MACF1: variants seen among roughly 807,000 people sequenced by gnomAD.
MACF1 encodes the protein microtubule actin crosslinking factor 1.
A neutral mutation model predicts 854.8 loss-of-function variants in MACF1; 193 were observed. That is an observed-to-expected ratio of 0.23 (90% CI 0.20 to 0.25). The LOEUF is 0.25. MACF1 is among the 10% of genes least tolerant of loss of function. The probability of loss-of-function intolerance (pLI) is 1.00; values close to 1 mark genes in which losing one functional copy is unlikely to be tolerated. For missense variants in MACF1, 7,722 were observed against 8,929.1 expected (o/e 0.86, Z 5.45); for synonymous variants, 3,185 against 3,226.7 (o/e 0.99, Z 0.44).
At chr1:39,426,522 G>A (rs1244764129) in intron 61 of MACF1, among the ~76,000 whole-genome samples, 1 of 152,154 alleles carries the variant, frequency 6.6e-6, no homozygotes, top group Non-Finnish European at 1.5e-5. Flanking sequence ...TTCTGTGGTT[G>A]TTTTCTTGTC....
rs750763021 is a variant in MACF1, at chr1:39,453,858, C to G, written c.20886+8C>G. On this transcript the variant is annotated splice_region_variant and intron_variant, in intron 88 of 100. Coordinates refer to ENST00000564288, the MANE Select transcript of MACF1 (RefSeq NM_001394062.1). The stretch of plus-strand genomic sequence containing the variant: ...CGAGCTCGCTTCGAGGAGGTGAGTC[C>G]CTGGTTCAGAGGAGGACTGCACACG... 6.2e-7 allele frequency: 1 copy of G among 1,614,074 alleles called. No individual in the cohort carries two copies.
intron 6 of MACF1, 99 bp from the exon 7 acceptor site, chr1:39,282,109 G>A: frequency 7.9e-7 from 1 of 1,263,040 alleles, no homozygotes; most frequent in Non-Finnish European, 1.1e-6. Flanking sequence ...TCCAGCCTTG[G>A]ACCTTCGTTT....
chr1:39,383,652 C>T (rs1436958153), intron 56 of MACF1, among the ~76,000 whole-genome samples: 1 of 152,128 alleles, frequency 6.6e-6, no homozygotes, highest in African/African-American at 2.4e-5. Context: ...CCAAGGCAGG[C>T]AGATCACGAG....
intron 2 of MACF1, among the ~76,000 whole-genome samples, chr1:39,121,438 T>C (rs2148158131): frequency 6.6e-6 from 1 of 152,224 alleles, no homozygotes; most frequent in Non-Finnish European, 1.5e-5. Context: ...TATTTTGTTT[T>C]ATTTTATTTA....
intron 64 of MACF1, 103 bp from the exon 65 acceptor site, chr1:39,429,724 G>A (rs935350521): frequency 9.0e-7 from 1 of 1,105,978 alleles, no homozygotes; most frequent in Non-Finnish European, 1.3e-6. Flanking sequence ...CAGAGAGAGA[G>A]AGAGCGTCTA....
intron 26 of MACF1, among the ~76,000 whole-genome samples, chr1:39,314,599 A>ACACACACG (rs1217082477): frequency 6.6e-6 from 1 of 151,446 alleles, no homozygotes; most frequent in Non-Finnish European, 1.5e-5. Flanking sequence ...ACACACACAC[A>ACACACACG]CACACACACA....
At chr1:39,341,394 TTTATAA>T (rs1646932391) in intron 40 of MACF1, among the ~76,000 whole-genome samples, 2 of 151,396 alleles carry the variant, frequency 1.3e-5, no homozygotes, top group African/African-American at 4.9e-5. Context: ...TATGTTTAGG[TTTATAA>T]TTATCATATC....
At position 39,387,483 on chromosome 1, in the gene MACF1, A is replaced by G. The variant is rs769414070; in HGVS notation, c.14641A>G (p.Lys4881Glu). The change falls in exon 58 of 101, where the codon AAA becomes GAA. Residue 4881 changes from lysine (K) to glutamate (E), a missense_variant. Coordinates refer to ENST00000564288, the MANE Select transcript of MACF1 (RefSeq NM_001394062.1). ...TCTACAAAACCAGTTGGTTGAGCTC[A>G]AAAACCATTGGGAAGAGCTTAGTAA... ...RTLQNQLVEL[K>E]NHWEELSKKT... 1 of 1,614,018 alleles carries G rather than the reference A, an allele frequency of 6.2e-7. No homozygotes were observed. The highest frequency in any genetic ancestry group is 1.1e-5 in the South Asian group (1 of 91,084).
chr1:39,253,099 C>A (rs117914843), intron 4 of MACF1, among the ~76,000 whole-genome samples: 6 of 152,080 alleles, frequency 3.9e-5, no homozygotes, highest in Non-Finnish European at 5.9e-5. Flanking sequence ...ATATAAGCAA[C>A]GTTAGAAAGT....
chr1:39,176,905 G>A (rs1644037030), intron 2 of MACF1, among the ~76,000 whole-genome samples: 1 of 152,166 alleles, frequency 6.6e-6, no homozygotes, highest in Non-Finnish European at 1.5e-5. Flanking sequence ...TCTTTAGTAA[G>A]ATCCTTGAAT....
intron 93 of MACF1, among the ~76,000 whole-genome samples, chr1:39,463,357 G>T (rs1045778681): frequency 6.6e-6 from 1 of 152,126 alleles, no homozygotes; most frequent in Non-Finnish European, 1.5e-5. Context: ...GGGCCTGGTG[G>T]TGCGTGCCTA....
chr1:39,387,226 C>G lies in MACF1; in HGVS notation c.14384C>G (p.Thr4795Ser), dbSNP rs767828029. The G allele has an allele frequency of 5.0e-6, 8 of 1,614,184 alleles. No homozygotes were observed. The highest frequency in any genetic ancestry group is 6.8e-6 in the Non-Finnish European group (8 of 1,180,030). The stretch of plus-strand genomic sequence containing the variant: ...AGACTCCAGGCAGCTCTTGCCAGCA[C>G]CCAGCAGTTCCAGCAAATGTTTGAT... ...INRLQAALAS[T>S]QQFQQMFDEL... is the part of the protein sequence containing the mutation. Residue 4795 changes from threonine to serine, a missense_variant, in exon 58 of 101, where the codon ACC (threonine) becomes AGC (serine). By Grantham distance (58) the Thr-to-Ser change is moderately conservative (BLOSUM62 1). Coordinates refer to ENST00000564288, the MANE Select transcript of MACF1 (RefSeq NM_001394062.1).
rs1363535959 is a variant in MACF1 at position 39,336,138 on chromosome 1, C to G, written c.9550C>G (p.Leu3184Val). The G allele has an allele frequency of 1.2e-6, 2 of 1,614,128 alleles. No individual in the cohort carries two copies. Among genetic ancestry groups the G allele is most frequent in the Non-Finnish European group, 1.7e-6 (2 of 1,180,028 alleles). ...AGTATCTTTTGACCCAGCAAGAGGT[C>G]TTAAATTGGAAGAAATCACAGTTTC... ...QEVSFDPARGLKLEEITVSRP... is the reference protein window; with the variant it reads ...QEVSFDPARGVKLEEITVSRP... Residue 3184 changes from leucine (L) to valine (V), a missense_variant, in exon 37 of 101, where the codon CTT becomes GTT. Coordinates refer to ENST00000564288, the MANE Select transcript of MACF1 (RefSeq NM_001394062.1).
In MACF1 at chr1:39,485,811, C is replaced by T. The variant is rs545883235; in HGVS notation, c.*17C>T. ...AAGCGATAACACTGTCTAAGCACCCCCAAGCCACTATCCACTTTGAATCCT... is the reference window on the plus strand; with the variant it reads ...AAGCGATAACACTGTCTAAGCACCCTCAAGCCACTATCCACTTTGAATCCT... On this transcript the variant is annotated 3_prime_UTR_variant, in exon 101 of 101. Transcript: ENST00000564288. 6.4e-7 allele frequency: 1 copy of T among 1,560,114 alleles called. No individual in the cohort carries two copies.
At chr1:39,106,489 C>T (rs1642241921) in intron 2 of MACF1, among the ~76,000 whole-genome samples, 1 of 152,140 alleles carries the variant, frequency 6.6e-6, no homozygotes, top group African/African-American at 2.4e-5. Context: ...GCTGTAGGTG[C>T]CCCTGAATGG....
intron 6 of MACF1, among the ~76,000 whole-genome samples, chr1:39,263,935 G>T (rs1974240): frequency 0.6 from 90,702 of 151,360 alleles, 29,337 homozygotes; most frequent in South Asian, 0.78. Context: ...CACCACACCC[G>T]GCTAATTTTT....
At position 39,368,341 on chromosome 1, in the gene MACF1, A is replaced by G. The variant is rs770034525; in HGVS notation, c.12938+27A>G. 4.4e-6 allele frequency: 7 copies of G among 1,591,298 alleles called. 1 individual carries two copies. The Middle Eastern group carries it at 5.0e-4, about 114-fold the overall frequency. On this transcript the variant is annotated intron_variant, in intron 50 of 100. Coordinates refer to ENST00000564288, the MANE Select transcript of MACF1 (RefSeq NM_001394062.1). ...TGAGTTATCACTTGTGTTGGTCAGC[A>G]TTGGGGAACTATTTTTTCTTGTTAT... is the stretch of plus-strand genomic sequence containing the variant.
chr1:39,254,413 G>A (rs1645075410), intron 5 of MACF1, 38 bp downstream of exon 5: 2 of 1,590,654 alleles, frequency 1.3e-6, no homozygotes, highest in Non-Finnish European at 1.7e-6. Context: ...CTTCCAGGCT[G>A]TGTTGGCATT....
At position 39,084,437 on chromosome 1, in the gene MACF1, T is replaced by G. The variant is rs1033947057; in HGVS notation, c.219T>G (p.Ala73=). The change falls in exon 2 of 94, where the codon GCT becomes GCG. Residue 73 remains alanine, a splice_region_variant and synonymous_variant. Coordinates refer to the MACF1 transcript ENST00000361689. The surrounding 1 kb of genome is among the most constrained non-coding windows in gnomAD (Gnocchi z 5.2). ...CAGAGCGTGCTGTGGTCAGAGTCGCTGGTAAGAGAGGTCCCCCAGCAGGCT... is the reference window on the plus strand; with the variant it reads ...CAGAGCGTGCTGTGGTCAGAGTCGCGGGTAAGAGAGGTCCCCCAGCAGGCT... 6.2e-7 allele frequency: 1 copy of G among 1,606,674 alleles called. No homozygotes were observed. Among genetic ancestry groups the G allele is most frequent in the Non-Finnish European group, 8.5e-7 (1 of 1,179,364 alleles).
Sources: allele counts gnomAD v4.1 joint callset (sites outside exome capture counted in the v4.1 genomes callset), GRCh38; gene constraint gnomAD v4.1.1; non-coding constraint Gnocchi (gnomAD v3.1); transcripts MANE v1.5; gene names NCBI Gene and HGNC (gene_info 2026-07-23, HGNC 2026-07-21).